ABL1: variants seen among roughly 807,000 people sequenced by gnomAD.
ABL1 encodes the protein ABL proto-oncogene 1, non-receptor tyrosine kinase.
ABL1 carries 11 observed loss-of-function variants against 94.7 expected under a neutral mutation model. The observed-to-expected ratio is 0.12, with a 90% confidence interval of 0.07 to 0.19. The LOEUF (loss-of-function observed/expected upper bound fraction) is 0.19, where lower values mean the gene tolerates loss of function less well. Ranked by LOEUF, ABL1 falls within the 10% of genes least tolerant of loss-of-function variation. The pLI, the probability that ABL1 is intolerant of heterozygous loss-of-function variation, is 1.00. For missense variants in ABL1, 1,082 were observed against 1,489.4 expected (o/e 0.73, Z 4.50); for synonymous variants, 656 against 622.4 (o/e 1.05, Z -0.80).
intron 1 of ABL1, among the ~76,000 whole-genome samples, chr9:130,819,950 G>GT (rs1265575613): frequency 2.0e-5 from 3 of 151,324 alleles, no homozygotes; most frequent in African/African-American, 7.3e-5. Context: ...TATACCAGGT[G>GT]TTTTGGTCAT....
At chr9:130,876,333 G>C (rs1324332408) in intron 7 of ABL1, among the ~76,000 whole-genome samples, 2 of 152,012 alleles carry the variant, frequency 1.3e-5, no homozygotes, top group South Asian at 2.1e-4. Flanking sequence ...CAGTGGTACA[G>C]TTCATGTAGG....
intron 1 of ABL1, among the ~76,000 whole-genome samples, chr9:130,743,827 G>A (rs1420355005): frequency 6.6e-6 from 1 of 152,076 alleles, no homozygotes; most frequent in African/African-American, 2.4e-5. Flanking sequence ...TACTTGTGGG[G>A]TCGGGGAACA....
At chr9:130,883,788 TAAG>T (rs561374730) in intron 10 of ABL1, among the ~76,000 whole-genome samples, 178 bp from the exon 11 acceptor site, 50 of 152,284 alleles carry the variant, frequency 3.3e-4, no homozygotes, top group African/African-American at 1.1e-3. Flanking sequence ...GCACAGGAGA[TAAG>T]AAGGGATGAC....
chr9:130,885,749 C>T lies in ABL1; in HGVS notation c.*66C>T. 1.3e-6 allele frequency: 2 copies of T among 1,533,330 alleles called. No individual in the cohort carries two copies. Among genetic ancestry groups the T allele is most frequent in the Non-Finnish European group, 1.8e-6 (2 of 1,141,292 alleles). 95.0% of individuals were successfully genotyped at this position (1,533,330 alleles called of 1,614,324 possible). Reference sequence around the variant, plus strand: ...TGCAGCACATGCGGGCTCGCCCATACCCGTGACAGTGGCTGACAAGGGACT... The same window carrying T: ...TGCAGCACATGCGGGCTCGCCCATATCCGTGACAGTGGCTGACAAGGGACT... On this transcript the variant is annotated 3_prime_UTR_variant, in exon 11 of 11. Transcript: ENST00000318560.
chr9:130,758,119 CATATATTATCTCTAT>C (rs1341602837), intron 1 of ABL1, among the ~76,000 whole-genome samples: 1 of 151,898 alleles, frequency 6.6e-6, no homozygotes, highest in Admixed American at 6.6e-5. Context: ...GGGTGCTTGA[CATATATTATCTCTAT>C]TGTGTTTTGC....
At chr9:130,717,683 A>G (rs1324103616) in intron 1 of ABL1, among the ~76,000 whole-genome samples, 1 of 150,520 alleles carries the variant, frequency 6.6e-6, no homozygotes, top group Non-Finnish European at 1.5e-5. Flanking sequence ...AATACAGTTC[A>G]TTGGTAGAGT....
intron 8 of ABL1, 146 bp downstream of exon 8, chr9:130,878,713 T>G (rs1205634778): frequency 1.2e-5 from 12 of 990,342 alleles, no homozygotes; most frequent in African/African-American, 3.3e-5. Context: ...AGCCATTTGC[T>G]ACCTATTGAC....
chr9:130,864,795 C>T (rs1261324817), intron 4 of ABL1, among the ~76,000 whole-genome samples: 1 of 152,130 alleles, frequency 6.6e-6, no homozygotes, highest in East Asian at 1.9e-4. Flanking sequence ...GGTTGAAGAC[C>T]AGACCCAAGA....
intron 1 of ABL1, among the ~76,000 whole-genome samples, chr9:130,805,887 G>T (rs1564295186): frequency 2.6e-5 from 4 of 152,104 alleles, no homozygotes; most frequent in Admixed American, 1.3e-4. Context: ...TCCTCATGAG[G>T]TTTTTTTAAC....
rs1320923595 is a variant in ABL1, at chr9:130,885,479, C to T, written c.3189C>T (p.Leu1063=). 4 of 1,614,002 alleles carry T rather than the reference C, an allele frequency of 2.5e-6. No individual in the cohort carries two copies. The highest frequency in any genetic ancestry group is 3.4e-6 in the Non-Finnish European group (4 of 1,180,056). ...CAGTGCTGGAGGCCGGCAAAAACCT[C>T]TACACGTTCTGCGTGAGCTATGTGG... ...HSAVLEAGKN[L]YTFCVSYVDS... Residue 1063 remains leucine (L), a synonymous_variant, in exon 11 of 11, where the codon CTC becomes CTT. Transcript: ENST00000318560.
chr9:130,855,247 G>C (rs1830955124), intron 3 of ABL1, 151 bp downstream of exon 3: 1 of 868,630 alleles, frequency 1.2e-6, no homozygotes. Context: ...GCCTTATGAA[G>C]ACCCTTTATT....
At chr9:130,732,622 T>C (rs1016246122) in intron 1 of ABL1, among the ~76,000 whole-genome samples, 4 of 152,192 alleles carry the variant, frequency 2.6e-5, no homozygotes, top group Non-Finnish European at 4.4e-5. Flanking sequence ...CATAATTTGT[T>C]CTATCCACTT....
At chr9:130,714,669 C>A (rs1055940669) in intron 1 of ABL1, among the ~76,000 whole-genome samples, 1 of 152,168 alleles carries the variant, frequency 6.6e-6, no homozygotes, top group African/African-American at 2.4e-5. Context: ...TTGCTTATTT[C>A]TTGCCTGATT....
chr9:130,801,456 G>A (rs1033333985), intron 1 of ABL1, among the ~76,000 whole-genome samples: 1 of 152,162 alleles, frequency 6.6e-6, no homozygotes, highest in Admixed American at 6.5e-5. Context: ...TCGATCTCTT[G>A]ACCTCGTGAT....
At chr9:130,870,567 T>C (rs1237232393) in intron 4 of ABL1, among the ~76,000 whole-genome samples, 1 of 152,184 alleles carries the variant, frequency 6.6e-6, no homozygotes, top group Non-Finnish European at 1.5e-5. Flanking sequence ...CCTTTGACAT[T>C]AGCATGTCAC....
chr9:130,781,995 C>T (rs777385256), intron 1 of ABL1, among the ~76,000 whole-genome samples: 21 of 152,168 alleles, frequency 1.4e-4, no homozygotes, highest in Admixed American at 2.6e-4. Flanking sequence ...TGTACATATA[C>T]AGCTGAAGAA....
intron 1 of ABL1, among the ~76,000 whole-genome samples, chr9:130,822,264 G>C (rs563044130): frequency 9.9e-5 from 15 of 152,200 alleles, no homozygotes; most frequent in Non-Finnish European, 2.1e-4. Context: ...GAGCCACCAC[G>C]ACCGGTCAAA....
At chr9:130,790,465 T>TTTTATTTATTTATTTATTTA (rs57807270) in intron 1 of ABL1, among the ~76,000 whole-genome samples, 1 of 147,908 alleles carries the variant, frequency 6.8e-6, no homozygotes. Context: ...TTCATTTTTA[T>TTTTATTTATTTATTTATTTA]TTTATTTATT....
chr9:130,784,656 C>T (rs1829803992), intron 1 of ABL1, among the ~76,000 whole-genome samples: 1 of 152,128 alleles, frequency 6.6e-6, no homozygotes, highest in Admixed American at 6.6e-5. Flanking sequence ...CTGGGCCTTT[C>T]GCAGGTATCC....
Sources: allele counts gnomAD v4.1 joint callset (sites outside exome capture counted in the v4.1 genomes callset), GRCh38; gene constraint gnomAD v4.1.1; transcripts MANE v1.5; gene names NCBI Gene and HGNC (gene_info 2026-07-23, HGNC 2026-07-21).